Variants in IFT27 observed in about 807,000 individuals in gnomAD.
The protein encoded by IFT27 is intraflagellar transport protein 27 homolog.
A neutral mutation model predicts 23.9 loss-of-function variants in IFT27; 19 were observed. That is an observed-to-expected ratio of 0.79 (90% confidence interval 0.55 to 1.16). The LOEUF (loss-of-function observed/expected upper bound fraction) is 1.16, where lower values mean the gene tolerates loss of function less well. Ranked by LOEUF, IFT27 falls within the 50% of genes most tolerant of loss-of-function variation. The pLI is 0.00. For synonymous variants in IFT27, 91 were observed against 89.1 expected, an observed-to-expected ratio of 1.02 and a Z score of -0.12; for missense variants, 206 against 228.7, an observed-to-expected ratio of 0.90 and a Z score of 0.64.
intron 1 of IFT27, among the ~76,000 whole-genome samples, chr22:36,770,233 C>G (rs1938359102): frequency 6.6e-6 from 1 of 152,156 alleles, no homozygotes; most frequent in South Asian, 2.1e-4. Flanking sequence ...AGGCCGATGG[C>G]CTTTTCTTGG....
intron 5 of IFT27, 54 bp from the exon 6 acceptor site, chr22:36,763,067 A>T: frequency 7.5e-7 from 1 of 1,338,614 alleles, no homozygotes; most frequent in Admixed American, 1.9e-5. Context: ...CTCTGGAAGG[A>T]CAGCGGGCGA....
intron 6 of IFT27, chr22:36,759,086 CAGG>C (rs937529474): frequency 6.6e-6 from 1 of 152,572 alleles, no homozygotes; most frequent in African/African-American, 2.4e-5. Flanking sequence ...ACTGGGGCTG[CAGG>C]AGGAGTGAGG....
At chr22:36,770,101 G>A (rs1176908665) in intron 1 of IFT27, among the ~76,000 whole-genome samples, 1 of 152,234 alleles carries the variant, frequency 6.6e-6, no homozygotes. Context: ...TCACTGGGGA[G>A]GGAGGCTTCC....
intron 1 of IFT27, chr22:36,772,546 A>G (rs1026758384): frequency 5.1e-6 from 5 of 985,412 alleles, no homozygotes; most frequent in Non-Finnish European, 6.0e-6. Context: ...AACAAGTAGC[A>G]GCTGTGCCTG....
intron 3 of IFT27, 55 bp from the exon 4 acceptor site, chr22:36,766,252 T>C (rs756325947): frequency 7.1e-7 from 1 of 1,408,744 alleles, no homozygotes; most frequent in Non-Finnish European, 1.0e-6. Context: ...AAGCTACGAG[T>C]CACTGGTATC....
chr22:36,774,380 G>A (rs1353153019), intron 1 of IFT27, among the ~76,000 whole-genome samples: 1 of 152,216 alleles, frequency 6.6e-6, no homozygotes, highest in African/African-American at 2.4e-5. Context: ...AGCCTGGAAA[G>A]GTCACAGGTT....
At chr22:36,764,776 G>A (rs1938201391) in intron 4 of IFT27, among the ~76,000 whole-genome samples, 1 of 152,230 alleles carries the variant, frequency 6.6e-6, no homozygotes, top group South Asian at 2.1e-4. Flanking sequence ...CGCCTTCAGG[G>A]GCTGCTCAGA....
chr22:36,763,397 C>T (rs181127574), intron 5 of IFT27: 217 of 254,950 alleles, frequency 8.5e-4, no homozygotes, highest in Middle Eastern at 1.3e-3. Context: ...GGACTCGGCT[C>T]GGAGTCAGGG....
intron 4 of IFT27, among the ~76,000 whole-genome samples, chr22:36,765,925 C>T (rs993664281): frequency 8.5e-5 from 13 of 152,220 alleles, no homozygotes; most frequent in African/African-American, 3.1e-4. Context: ...TCCTGGGCAC[C>T]CCAGAGCTGG....
intron 5 of IFT27, 78 bp from the exon 6 acceptor site, chr22:36,763,091 T>C: frequency 9.6e-7 from 1 of 1,046,374 alleles, no homozygotes; most frequent in Non-Finnish European, 1.4e-6. Context: ...GAGAGCACTA[T>C]TTTTGAGGGG....
intron 1 of IFT27, among the ~76,000 whole-genome samples, chr22:36,773,739 A>C (rs1462921467): frequency 6.6e-6 from 1 of 152,038 alleles, no homozygotes; most frequent in Non-Finnish European, 1.5e-5. Flanking sequence ...TGGAAATCAG[A>C]TTGGGACCCA....
At chr22:36,765,405 C>T (rs1209676971) in intron 4 of IFT27, among the ~76,000 whole-genome samples, 2 of 152,102 alleles carry the variant, frequency 1.3e-5, no homozygotes, top group African/African-American at 2.4e-5. Context: ...GCCATGCACA[C>T]GGTAGGCAAT....
chr22:36,767,185 C>T, intron 3 of IFT27, 121 bp downstream of exon 3: 1 of 724,400 alleles, frequency 1.4e-6, no homozygotes. Context: ...TTCCGAAATG[C>T]TCAGCCAAGT....
chr22:36,763,133 G>A (rs559210954), intron 5 of IFT27, 120 bp from the exon 6 acceptor site: 18 of 599,570 alleles, frequency 3.0e-5, no homozygotes, highest in East Asian at 6.6e-5. Flanking sequence ...TGCCTGACTC[G>A]AGGTGGTGAG....
intron 1 of IFT27, among the ~76,000 whole-genome samples, chr22:36,773,370 G>A (rs1938429637): frequency 6.6e-6 from 1 of 150,946 alleles, no homozygotes; most frequent in Non-Finnish European, 1.5e-5. Flanking sequence ...AAAAAAAAAG[G>A]TCCGGGCACA....
At position 36,767,172 on chromosome 22, in the gene IFT27, C is replaced by A; in HGVS notation, c.174+134G>T. The A allele has an allele frequency of 4.6e-6, 3 of 651,242 alleles. No individual in the cohort carries two copies. The East Asian group carries it at 8.9e-5, about 19-fold the overall frequency. The allele number at this position is 651,242 out of a possible 1,614,324, so 40.3% of individuals were successfully genotyped here. On this transcript the variant is annotated intron_variant, in intron 3 of 6. Coordinates refer to ENST00000433985, the MANE Select transcript of IFT27 (RefSeq NM_001177701.3). ...TCCCTCCCTTGAATGCTTCCCGATTCTATTCCGAAATGCTCAGCCAAGTCT... is the reference window on the plus strand; with the variant it reads ...TCCCTCCCTTGAATGCTTCCCGATTATATTCCGAAATGCTCAGCCAAGTCT...
chr22:36,759,924 G>T (rs553960794), intron 6 of IFT27: 1 of 152,244 alleles, frequency 6.6e-6, no homozygotes, highest in Non-Finnish European at 1.5e-5. Flanking sequence ...ACCAGGTCCC[G>T]TGGAGAAAGT....
intron 1 of IFT27, among the ~76,000 whole-genome samples, chr22:36,769,429 G>GCTGCAACCTCCGCCTCC (rs1295895176): frequency 3.9e-5 from 6 of 152,184 alleles, no homozygotes; most frequent in Admixed American, 3.3e-4. Context: ...ATCTAGGCTC[G>GCTGCAACCTCCGCCTCC]CTGCAACCTC....
At chr22:36,769,071 C>T (rs745555851) in intron 1 of IFT27, among the ~76,000 whole-genome samples, 1 of 152,188 alleles carries the variant, frequency 6.6e-6, no homozygotes, top group African/African-American at 2.4e-5. Flanking sequence ...ACAATTATTT[C>T]AATGCTTGTG....
Sources: allele counts gnomAD v4.1 joint callset (sites outside exome capture counted in the v4.1 genomes callset), GRCh38; gene constraint gnomAD v4.1.1; transcripts MANE v1.5; gene names NCBI Gene and HGNC (gene_info 2026-07-23, HGNC 2026-07-21).